The following ARHGEF7 variants were observed in gnomAD, a reference collection of about 807,000 sequenced individuals.
ARHGEF7 encodes PAK-interacting exchange factor beta.
ARHGEF7 carries 33 observed loss-of-function variants against 109.8 expected under a neutral mutation model. That is an observed-to-expected ratio of 0.30 (90% CI 0.23 to 0.40). The LOEUF (loss-of-function observed/expected upper bound fraction) is 0.40, where lower values mean the gene tolerates loss of function less well. ARHGEF7 is among the 10% of genes least tolerant of loss of function. The pLI is 1.00. For synonymous variants in ARHGEF7, 458 were observed against 424.6 expected, an observed-to-expected ratio of 1.08 and a Z score of -0.97; for missense variants, 938 against 1,098.5, an observed-to-expected ratio of 0.85 and a Z score of 2.07.
intron 4 of ARHGEF7, among the ~76,000 whole-genome samples, chr13:111,216,099 G>A (rs2083099218): frequency 6.6e-6 from 1 of 152,108 alleles, no homozygotes; most frequent in Non-Finnish European, 1.5e-5. Flanking sequence ...ACTAGTTGGG[G>A]TTCACGCAGG....
At chr13:111,248,024 C>CGGG (rs2089188603) in intron 8 of ARHGEF7, among the ~76,000 whole-genome samples, 1 of 152,150 alleles carries the variant, frequency 6.6e-6, no homozygotes, top group Non-Finnish European at 1.5e-5. Context: ...ACTGAAGTTT[C>CGGG]TATCTGGTGT....
intron 1 of ARHGEF7, among the ~76,000 whole-genome samples, chr13:111,121,600 C>T (rs2067206580): frequency 6.6e-6 from 1 of 152,236 alleles, no homozygotes; most frequent in Admixed American, 6.5e-5. Context: ...GCCCACGCGT[C>T]TCTCACTGCA....
intron 8 of ARHGEF7, among the ~76,000 whole-genome samples, chr13:111,244,623 C>T (rs541189139): frequency 6.6e-6 from 1 of 152,286 alleles, no homozygotes; most frequent in African/African-American, 2.4e-5. Flanking sequence ...CTTGTGTGCC[C>T]TGAGTGCTGC....
intron 8 of ARHGEF7, among the ~76,000 whole-genome samples, chr13:111,257,885 A>G (rs1441962519): frequency 1.3e-5 from 2 of 152,254 alleles, no homozygotes; most frequent in Non-Finnish European, 2.9e-5. Context: ...AGTCCTAGCC[A>G]GAAGGCTAGT....
chr13:111,263,017 A>G (rs139109936), intron 8 of ARHGEF7, among the ~76,000 whole-genome samples: 2 of 152,330 alleles, frequency 1.3e-5, no homozygotes, highest in African/African-American at 4.8e-5. Context: ...AGAGCAGCCT[A>G]TGGAGCACAA....
intron 1 of ARHGEF7, chr13:111,153,583 C>A: frequency 9.2e-7 from 1 of 1,089,266 alleles, no homozygotes; most frequent in Non-Finnish European, 1.1e-6. Flanking sequence ...TCCGCGGGGG[C>A]GAACACCCGA....
chr13:111,138,580 G>T (rs1175534557), intron 1 of ARHGEF7, among the ~76,000 whole-genome samples: 3 of 152,098 alleles, frequency 2.0e-5, no homozygotes, highest in Non-Finnish European at 2.9e-5. Context: ...TTTCTAACTC[G>T]AAGGGGTGGT....
Position 111,273,946 on chromosome 13 carries a change from C to T in ARHGEF7, c.1206C>T (p.His402=), listed in dbSNP as rs113601235. 35 of 1,614,142 alleles carry T rather than the reference C, an allele frequency of 2.2e-5. No homozygotes were observed. In the African/African-American group the frequency reaches 2.3e-4, roughly 10 times the overall value. ...YPTLLKELER[H]MEDYHTDRQD... Reference sequence around the variant, plus strand: ...CGCTGCTCAAAGAGCTCGAGAGACACATGGAGGTACTGCGCTTTCATTCTC... The same window carrying T: ...CGCTGCTCAAAGAGCTCGAGAGACATATGGAGGTACTGCGCTTTCATTCTC... The change falls in exon 10 of 22, where the codon CAC becomes CAT. Residue 402 remains histidine (H), a synonymous_variant. Coordinates refer to ENST00000646102, the MANE Select transcript of ARHGEF7 (RefSeq NM_001354046.2). This position sits in a 1 kb window ranked among gnomAD's most constrained non-coding sequence, Gnocchi z 4.5.
intron 2 of ARHGEF7, among the ~76,000 whole-genome samples, chr13:111,165,420 T>C (rs1188663536): frequency 1.3e-5 from 2 of 152,196 alleles, no homozygotes; most frequent in African/African-American, 4.8e-5. Flanking sequence ...CCGCTGGTTG[T>C]TCAGCAAGTA....
At chr13:111,125,904 T>C (rs2067524604) in intron 1 of ARHGEF7, among the ~76,000 whole-genome samples, 1 of 152,212 alleles carries the variant, frequency 6.6e-6, no homozygotes, top group Non-Finnish European at 1.5e-5. Context: ...GCTACAGTGA[T>C]TTTGATAGGA....
intron 16 of ARHGEF7, among the ~76,000 whole-genome samples, chr13:111,285,119 C>T (rs1379686131): frequency 6.6e-6 from 1 of 152,028 alleles, no homozygotes; most frequent in Non-Finnish European, 1.5e-5. Flanking sequence ...TACCTATTAC[C>T]CAAATAGGAA....
rs116752803 is a variant in ARHGEF7 at position 111,276,724 on chromosome 13, T to A, written c.1420-863T>A. On this transcript the variant is annotated intron_variant, in intron 12 of 21. Transcript: ENST00000646102. ...TTCAAGAGGGGAATATAGCAAGTCG[T>A]TCTCAGTGACTTCTTTAAAGTACGG... is the stretch of plus-strand genomic sequence containing the variant. Among the ~76,000 whole-genome samples, 390 of 152,326 alleles carry A rather than the reference T, an allele frequency of 2.6e-3. 2 individuals carry two copies. Among genetic ancestry groups the A allele is most frequent in the African/African-American group, 9.0e-3 (376 of 41,572 alleles).
chr13:111,199,020 A>G (rs2080904066), intron 2 of ARHGEF7, among the ~76,000 whole-genome samples: 1 of 152,198 alleles, frequency 6.6e-6, no homozygotes, highest in South Asian at 2.1e-4. Context: ...CTAGACACAT[A>G]GTGCTGATGG....
intron 1 of ARHGEF7, chr13:111,144,532 G>A (rs1000178426): frequency 3.0e-4 from 45 of 152,346 alleles, no homozygotes; most frequent in African/African-American, 9.6e-4. Context: ...ACTGTGGAAT[G>A]AGCCAGAGTG....
intron 2 of ARHGEF7, among the ~76,000 whole-genome samples, chr13:111,194,707 T>A (rs2080289277): frequency 6.6e-6 from 1 of 152,158 alleles, no homozygotes; most frequent in Admixed American, 6.5e-5. Context: ...GTGCCTGGAC[T>A]TGAGAAGTGG....
At chr13:111,151,799 T>G (rs1595067896) in intron 1 of ARHGEF7, among the ~76,000 whole-genome samples, 1 of 151,650 alleles carries the variant, frequency 6.6e-6, no homozygotes, top group East Asian at 1.9e-4. Flanking sequence ...GAAACAGAAA[T>G]CACCATCGGA....
rs866787534 is a variant in ARHGEF7 at position 111,255,651 on chromosome 13, C to T, written c.950+11357C>T. 6.6e-6 allele frequency among the ~76,000 whole-genome samples: 1 copy of T among 152,204 alleles called. No homozygotes were observed. Among genetic ancestry groups the T allele is most frequent in the African/African-American group, 2.4e-5 (1 of 41,448 alleles). The stretch of plus-strand genomic sequence containing the variant: ...CTTTGGAGGGCCCTGAGTGAGCTGG[C>T]TGGTGTTCGTGAAAGAAGATCTGTT... On this transcript the variant is annotated intron_variant, in intron 8 of 21. Transcript: ENST00000646102. This position sits in a 1 kb window ranked among gnomAD's most constrained non-coding sequence, Gnocchi z 4.1.
rs1452458924 is a variant in ARHGEF7 at position 111,115,434 on chromosome 13, AGGC to A, written c.-75_-73del. 1,332 of 920,154 alleles carry A rather than the reference AGGC, an allele frequency of 1.4e-3. No homozygotes were observed. The highest frequency in any genetic ancestry group is 1.6e-3 in the Middle Eastern group (3 of 1,832). The allele number at this position is 920,154 out of a possible 1,614,324, so 57.0% of individuals were successfully genotyped here. A position where few individuals can be genotyped will look rare whatever the true frequency, so the allele number is the denominator to read the frequency against. On this transcript the variant is annotated 5_prime_UTR_variant, in exon 1 of 22. Coordinates refer to ENST00000646102, the MANE Select transcript of ARHGEF7 (RefSeq NM_001354046.2). ...GCCGGCGCCGGCCGCTCGATGGGCG[AGGC>A]GGCGGCGGCGGCGGCGGGGGCCGCG... is the stretch of plus-strand genomic sequence containing the variant.
chr13:111,188,135 C>T (rs2079460770), intron 2 of ARHGEF7, among the ~76,000 whole-genome samples: 1 of 152,190 alleles, frequency 6.6e-6, no homozygotes, highest in African/African-American at 2.4e-5. Flanking sequence ...TCTGTGGAGT[C>T]CGTTGTCCGT....
Sources: gnomAD v4.1 joint callset for allele counts (sites outside exome capture counted in the v4.1 genomes callset) on GRCh38, gnomAD v4.1.1 for gene constraint, Gnocchi (gnomAD v3.1) non-coding constraint, MANE v1.5 for transcripts, NCBI Gene and HGNC (gene_info 2026-07-23, HGNC 2026-07-21) for gene names.